CNTLN: variants seen among roughly 807,000 people sequenced by gnomAD.
The protein encoded by CNTLN is centlein.
In CNTLN, 212 loss-of-function variants were observed where a neutral mutation model predicts 180.0. That is an observed-to-expected ratio of 1.18 (90% CI 1.05 to 1.32). CNTLN has a LOEUF of 1.32. Among genes scored for constraint, CNTLN ranks in the 40% most tolerant of loss-of-function variants. The pLI is 0.00. For missense variants in CNTLN, 2,095 were observed against 1,610.9 expected (o/e 1.30, Z -5.14); for synonymous variants, 722 against 563.1 (o/e 1.28, Z -3.99).
chr9:17,476,841 G>T (rs914102185), intron 23 of CNTLN, among the ~76,000 whole-genome samples: 1 of 152,182 alleles, frequency 6.6e-6, no homozygotes, highest in Non-Finnish European at 1.5e-5. Flanking sequence ...AAAAGATCTA[G>T]GTAAGATAAC....
intron 24 of CNTLN, among the ~76,000 whole-genome samples, chr9:17,485,652 G>A (rs1017573333): frequency 6.6e-6 from 1 of 152,034 alleles, no homozygotes; most frequent in Non-Finnish European, 1.5e-5. Context: ...CTCTACTGTT[G>A]CCTAGAAATT....
intron 14 of CNTLN, among the ~76,000 whole-genome samples, chr9:17,391,102 T>C (rs1826078071): frequency 6.6e-6 from 1 of 152,160 alleles, no homozygotes; most frequent in South Asian, 2.1e-4. Flanking sequence ...ATTTATGTGC[T>C]TAGGTTTGAT....
intron 6 of CNTLN, among the ~76,000 whole-genome samples, chr9:17,293,184 A>G (rs996332981): frequency 1.3e-5 from 2 of 152,206 alleles, no homozygotes; most frequent in Non-Finnish European, 2.9e-5. Context: ...CACCAACCTG[A>G]TGCCAACAGG....
chr9:17,235,156 T>A (rs1825059980), intron 3 of CNTLN, among the ~76,000 whole-genome samples: 2 of 152,190 alleles, frequency 1.3e-5, no homozygotes. Context: ...TTAAAAATTT[T>A]GGCAGCCTTA....
intron 21 of CNTLN, among the ~76,000 whole-genome samples, chr9:17,465,744 A>G (rs970124739): frequency 6.6e-6 from 1 of 151,144 alleles, no homozygotes; most frequent in African/African-American, 2.4e-5. Context: ...TGGGTGCAAG[A>G]ATAAACATAC....
chr9:17,359,645 G>A (rs1224516664), intron 12 of CNTLN, among the ~76,000 whole-genome samples: 2 of 148,168 alleles, frequency 1.3e-5, no homozygotes, highest in Admixed American at 6.9e-5. Flanking sequence ...ACTTTGGGAG[G>A]CCGAGTCGGG....
At chr9:17,383,774 A>G (rs991714403) in intron 13 of CNTLN, among the ~76,000 whole-genome samples, 1 of 151,564 alleles carries the variant, frequency 6.6e-6, no homozygotes, top group Admixed American at 6.6e-5. Flanking sequence ...AGTAGCTGGG[A>G]CTACAGGCGC....
At chr9:17,218,274 A>G (rs928773862) in intron 2 of CNTLN, among the ~76,000 whole-genome samples, 2 of 152,192 alleles carry the variant, frequency 1.3e-5, no homozygotes, top group African/African-American at 4.8e-5. Context: ...CCTTTAAAAC[A>G]TTTTATATCA....
At chr9:17,203,658 G>A (rs1482206793) in intron 2 of CNTLN, among the ~76,000 whole-genome samples, 5 of 152,082 alleles carry the variant, frequency 3.3e-5, no homozygotes, top group Non-Finnish European at 7.4e-5. Context: ...CCGTGTTCAC[G>A]CCATTCTCCT....
chr9:17,343,660 G>A (rs1440418274), intron 12 of CNTLN, among the ~76,000 whole-genome samples: 3 of 152,074 alleles, frequency 2.0e-5, no homozygotes, highest in Admixed American at 2.0e-4. Context: ...AATAATTTCA[G>A]TAGCTTTATT....
At chr9:17,487,194 C>A in intron 25 of CNTLN, 128 bp downstream of exon 25, 1 of 691,330 alleles carries the variant, frequency 1.4e-6, no homozygotes, top group South Asian at 1.7e-5. Flanking sequence ...AAGAAGTATT[C>A]CAATAGGTAG....
chr9:17,515,683 C>G, the CNTLN span, among the ~76,000 whole-genome samples: 22 of 152,282 alleles, frequency 1.4e-4, no homozygotes, highest in African/African-American at 4.8e-4. Flanking sequence ...ACTGACTCTA[C>G]CCTCAGAACG....
At chr9:17,291,349 C>G (rs767352837) in intron 6 of CNTLN, among the ~76,000 whole-genome samples, 3 of 152,030 alleles carry the variant, frequency 2.0e-5, no homozygotes, top group Non-Finnish European at 4.4e-5. Context: ...TAGTTCATGT[C>G]CTGAATATCC....
the CNTLN span, among the ~76,000 whole-genome samples, chr9:17,516,464 G>A: frequency 6.6e-6 from 1 of 152,116 alleles, no homozygotes; most frequent in Non-Finnish European, 1.5e-5. Context: ...GAAGACCCAG[G>A]AAAAAGGGTA....
chr9:17,231,336 T>TAC lies in CNTLN; in HGVS notation c.535-4310_535-4309dup, dbSNP rs564157081. ...GTATCTAGTGAAATTACTAGAAAGT[T>TAC]ACACACACACACAGTTTTTTTTTAG... On this transcript the variant is annotated intron_variant, in intron 3 of 25. Transcript: ENST00000380647. 2.5e-3 allele frequency among the ~76,000 whole-genome samples: 377 copies of TAC among 152,044 alleles called. 1 individual carries two copies. The highest frequency in any genetic ancestry group is 8.4e-3 in the African/African-American group (350 of 41,490).
At chr9:17,263,558 A>T (rs528401781) in intron 5 of CNTLN, among the ~76,000 whole-genome samples, 1 of 151,584 alleles carries the variant, frequency 6.6e-6, no homozygotes, top group Non-Finnish European at 1.5e-5. Context: ...GTGTATACCC[A>T]GTAATGGGAT....
In CNTLN at chr9:17,309,092, C is replaced by G; in HGVS notation, c.1181C>G (p.Thr394Arg). 1 of 1,594,818 alleles carries G rather than the reference C, an allele frequency of 6.3e-7. No homozygotes were observed. Among genetic ancestry groups the G allele is most frequent in the Non-Finnish European group, 8.5e-7 (1 of 1,174,106 alleles). Residue 394 changes from threonine (T) to arginine (R), a missense_variant, in exon 8 of 26, where the codon ACA becomes AGA. Transcript: ENST00000380647. ...GAGTTACATATTTGTTTTGAAACCA[C>G]AAAATCAAATGAAGCTATGCTCCGG... ...YNELHICFET[T>R]KSNEAMLRQS... is the part of the protein sequence containing the mutation.
chr9:17,378,203 C>A (rs113752533), intron 13 of CNTLN, among the ~76,000 whole-genome samples: 1 of 151,996 alleles, frequency 6.6e-6, no homozygotes, highest in African/African-American at 2.4e-5. Context: ...TTTTTTGAGA[C>A]GGAGTCTTCC....
At chr9:17,294,943 A>T (rs1315297497) in intron 6 of CNTLN, among the ~76,000 whole-genome samples, 2 of 142,146 alleles carry the variant, frequency 1.4e-5, no homozygotes, top group African/African-American at 5.2e-5. Flanking sequence ...GGGGAGGCTC[A>T]GGCATGGTGG....
Sources: gnomAD v4.1 joint callset for allele counts (sites outside exome capture counted in the v4.1 genomes callset) on GRCh38, gnomAD v4.1.1 for gene constraint, MANE v1.5 for transcripts, NCBI Gene and HGNC (gene_info 2026-07-23, HGNC 2026-07-21) for gene names.